Variants in AGPS observed in about 807,000 individuals in gnomAD.
AGPS encodes the protein alkyldihydroxyacetonephosphate synthase, peroxisomal.
AGPS carries 26 observed loss-of-function variants against 90.7 expected under a neutral mutation model. The ratio of observed to expected loss-of-function variants is 0.29; its 90% CI spans 0.21 to 0.40. The LOEUF (loss-of-function observed/expected upper bound fraction) is 0.40. Ranked by LOEUF, AGPS falls within the 10% of genes least tolerant of loss-of-function variation. The probability of loss-of-function intolerance (pLI) is 1.00; values close to 1 mark genes in which losing one functional copy is unlikely to be tolerated. For synonymous variants in AGPS, 294 were observed against 285.3 expected, an observed-to-expected ratio of 1.03 and a Z score of -0.31; for missense variants, 540 against 816.1, an observed-to-expected ratio of 0.66 and a Z score of 4.12.
At chr2:177,467,547 C>T (rs1181210285) in intron 9 of AGPS, among the ~76,000 whole-genome samples, 1 of 152,116 alleles carries the variant, frequency 6.6e-6, no homozygotes, top group Non-Finnish European at 1.5e-5. Context: ...AATTGACATT[C>T]TCACTAACAC....
intron 12 of AGPS, among the ~76,000 whole-genome samples, chr2:177,494,127 T>C (rs989217502): frequency 6.6e-6 from 1 of 152,210 alleles, no homozygotes; most frequent in Admixed American, 6.5e-5. Context: ...AAACAATTCC[T>C]AAAATCATGA....
chr2:177,518,663 C>T (rs566926927), intron 17 of AGPS, among the ~76,000 whole-genome samples: 14 of 144,580 alleles, frequency 9.7e-5, no homozygotes, highest in African/African-American at 3.6e-4. Flanking sequence ...CTCTCTTTTT[C>T]TGCCCGCCCC....
chr2:177,532,242 A>T (rs778566810), intron 19 of AGPS, among the ~76,000 whole-genome samples: 9 of 152,210 alleles, frequency 5.9e-5, no homozygotes, highest in Non-Finnish European at 1.0e-4. Flanking sequence ...TATCTATTAT[A>T]TATAAATCTC....
Position 177,392,986 on chromosome 2 carries a change from C to T in AGPS, c.197C>T (p.Ala66Val), listed in dbSNP as rs774854340. ...TGCAAAGCGCGGAGAGCCGCGTCGG[C>T]GGCCACGGCAGCGCCCACGGCCACT... ...NECKARRAAS[A>V]ATAAPTATPA... The change falls in exon 1 of 20, where the codon GCG (alanine) becomes GTG (valine). Residue 66 changes from alanine (A) to valine (V), a missense_variant. Physicochemically the swap from Ala to Val is moderately conservative, Grantham distance 64 (BLOSUM62 0). Transcript: ENST00000264167. 1.5e-5 allele frequency: 24 copies of T among 1,549,914 alleles called. No homozygotes were observed. The South Asian group carries it at 2.7e-4, about 18-fold the overall frequency.
rs16865324 is a variant in AGPS at position 177,517,089 on chromosome 2, A to C, written c.1697+3181A>C. On this transcript the variant is annotated intron_variant, in intron 17 of 19. Coordinates refer to ENST00000264167, the MANE Select transcript of AGPS (RefSeq NM_003659.4). ...TCTATTTGTATTGTGTAGTAAAAAGAGTATTTCCTCTGCATTTGCTCCTTC... is the reference window on the plus strand; with the variant it reads ...TCTATTTGTATTGTGTAGTAAAAAGCGTATTTCCTCTGCATTTGCTCCTTC... Among the ~76,000 whole-genome samples the C allele has an allele frequency of 4.0e-3, 609 of 152,228 alleles. 5 individuals carry two copies. The highest frequency in any genetic ancestry group is 0.032 in the East Asian group (167 of 5,188).
At chr2:177,487,173 C>T (rs1391698531) in intron 11 of AGPS, among the ~76,000 whole-genome samples, 1 of 151,940 alleles carries the variant, frequency 6.6e-6, no homozygotes, top group African/African-American at 2.4e-5. Flanking sequence ...AGCTCAGAAG[C>T]AGTTTCTGAA....
intron 1 of AGPS, among the ~76,000 whole-genome samples, chr2:177,397,646 G>A (rs1685221384): frequency 6.6e-6 from 1 of 152,100 alleles, no homozygotes; most frequent in Non-Finnish European, 1.5e-5. Context: ...GGTTATAAAT[G>A]TTCAGGTCAA....
At chr2:177,424,473 A>G (rs927566737) in intron 2 of AGPS, among the ~76,000 whole-genome samples, 3 of 152,056 alleles carry the variant, frequency 2.0e-5, no homozygotes, top group Non-Finnish European at 4.4e-5. Context: ...TGCCTGTACA[A>G]CTATTTAATG....
At chr2:177,497,560 A>T (rs1488884181) in intron 12 of AGPS, 129 bp from the exon 13 acceptor site, 1 of 419,576 alleles carries the variant, frequency 2.4e-6, no homozygotes, top group Non-Finnish European at 4.4e-6. Flanking sequence ...TGTAAATAAC[A>T]CGGGAAGATT....
chr2:177,481,390 GT>G (rs1322793903), intron 10 of AGPS, among the ~76,000 whole-genome samples: 1 of 149,708 alleles, frequency 6.7e-6, no homozygotes, highest in East Asian at 2.0e-4. Context: ...GTTTTGTTTT[GT>G]TTTTTTGTTT....
chr2:177,439,935 G>A (rs559486738), intron 5 of AGPS, among the ~76,000 whole-genome samples: 3 of 152,046 alleles, frequency 2.0e-5, no homozygotes, highest in African/African-American at 7.2e-5. Flanking sequence ...TTCCAGTCAG[G>A]TTTTTGTTAC....
chr2:177,515,703 G>T (rs1476813437), intron 17 of AGPS, among the ~76,000 whole-genome samples: 1 of 152,152 alleles, frequency 6.6e-6, no homozygotes, highest in African/African-American at 2.4e-5. Context: ...AGTATATTTA[G>T]ACTGAATTGG....
chr2:177,439,594 A>G (rs2105634977), intron 5 of AGPS, among the ~76,000 whole-genome samples: 1 of 152,358 alleles, frequency 6.6e-6, no homozygotes, highest in Non-Finnish European at 1.5e-5. Context: ...AATGAAACAA[A>G]TGACATGTTT....
intron 13 of AGPS, among the ~76,000 whole-genome samples, chr2:177,498,760 C>T (rs1688479980): frequency 6.6e-6 from 1 of 151,776 alleles, no homozygotes; most frequent in Non-Finnish European, 1.5e-5. Flanking sequence ...TTAATCTGTG[C>T]TTCTCATACA....
At chr2:177,512,170 G>T (rs1367764730) in intron 16 of AGPS, among the ~76,000 whole-genome samples, 2 of 151,690 alleles carry the variant, frequency 1.3e-5, no homozygotes, top group African/African-American at 2.4e-5. Flanking sequence ...AAGCTTAATA[G>T]ATTTTATTTA....
At chr2:177,504,934 T>G (rs1688666959) in intron 14 of AGPS, among the ~76,000 whole-genome samples, 1 of 152,110 alleles carries the variant, frequency 6.6e-6, no homozygotes, top group Non-Finnish European at 1.5e-5. Context: ...TTTCTATGGA[T>G]GAAATTTTCC....
At chr2:177,426,939 A>G (rs1686099203) in intron 2 of AGPS, among the ~76,000 whole-genome samples, 1 of 152,160 alleles carries the variant, frequency 6.6e-6, no homozygotes, top group Non-Finnish European at 1.5e-5. Flanking sequence ...TAGAAATGGT[A>G]CCAGCTCTTC....
intron 1 of AGPS, among the ~76,000 whole-genome samples, chr2:177,401,367 A>G (rs1330861665): frequency 6.6e-6 from 1 of 152,144 alleles, no homozygotes; most frequent in Admixed American, 6.5e-5. Context: ...ATTCAAATTA[A>G]TAATTAATTC....
chr2:177,436,341 G>A (rs1212109314), intron 3 of AGPS, among the ~76,000 whole-genome samples: 1 of 151,730 alleles, frequency 6.6e-6, no homozygotes, highest in East Asian at 1.9e-4. Context: ...TAGTAGAGGC[G>A]AGGTTTCACC....
Sources: allele counts gnomAD v4.1 joint callset (sites outside exome capture counted in the v4.1 genomes callset), GRCh38; gene constraint gnomAD v4.1.1; transcripts MANE v1.5; gene names NCBI Gene and HGNC (gene_info 2026-07-23, HGNC 2026-07-21).